Variants in GTF2B observed in about 807,000 individuals in gnomAD.
GTF2B encodes the protein general transcription factor IIB, also known as transcription initiation factor IIB.
A neutral mutation model predicts 34.6 loss-of-function variants in GTF2B; 20 were observed. The ratio of observed to expected loss-of-function variants is 0.58; its 90% CI spans 0.41 to 0.84. The LOEUF (loss-of-function observed/expected upper bound fraction) is 0.84, where lower values mean the gene tolerates loss of function less well. Ranked by LOEUF, GTF2B falls within the 40% of genes least tolerant of loss-of-function variation. GTF2B has a pLI of 0.00. For synonymous variants in GTF2B, 142 were observed against 132.4 expected, an observed-to-expected ratio of 1.07 and a Z score of -0.50; for missense variants, 237 against 393.3, an observed-to-expected ratio of 0.60 and a Z score of 3.36.
intron 2 of GTF2B, among the ~76,000 whole-genome samples, chr1:88,879,240 T>C (rs1673877206): frequency 6.6e-6 from 1 of 151,796 alleles, no homozygotes; most frequent in African/African-American, 2.4e-5. Flanking sequence ...AGATATAAGC[T>C]TATAAGATAA....
At chr1:88,870,568 A>G (rs939094923) in intron 2 of GTF2B, among the ~76,000 whole-genome samples, 5 of 128,410 alleles carry the variant, frequency 3.9e-5, no homozygotes, top group Non-Finnish European at 7.7e-5. Context: ...TTTTCTAACT[A>G]CTAATTGCTA....
rs1242544134 is a variant in GTF2B at position 88,852,754 on chromosome 1, TATG to T, written c.*456_*458del. Among the ~76,000 whole-genome samples the T allele has an allele frequency of 2.0e-5, 3 of 152,154 alleles. No individual in the cohort carries two copies. The highest frequency in any genetic ancestry group is 7.2e-5 in the African/African-American group (3 of 41,438). ...ATACACATCCTTTCAAACTGGAAACTATGATGTTGATGTTAACAATGGTTCTCA... is the reference window on the plus strand; with the variant it reads ...ATACACATCCTTTCAAACTGGAAACTATGTTGATGTTAACAATGGTTCTCA... On this transcript the variant is annotated 3_prime_UTR_variant, in exon 7 of 7. Coordinates refer to ENST00000370500, the MANE Select transcript of GTF2B (RefSeq NM_001514.6).
chr1:88,890,572 G>A (rs1209364183), intron 1 of GTF2B, among the ~76,000 whole-genome samples: 1 of 152,156 alleles, frequency 6.6e-6, no homozygotes, highest in African/African-American at 2.4e-5. Flanking sequence ...GCCAGGTGTG[G>A]ATAACAGGAA....
At chr1:88,878,833 G>C (rs1570732831) in intron 2 of GTF2B, among the ~76,000 whole-genome samples, 1 of 152,188 alleles carries the variant, frequency 6.6e-6, no homozygotes, top group African/African-American at 2.4e-5. Context: ...TATGACTACT[G>C]TAAGACAACT....
At position 88,855,365 on chromosome 1, in the gene GTF2B, T is replaced by G. The variant is rs186246696; in HGVS notation, c.817+1841A>C. ...TAATTCACTTTCTGTTTTTGTTTTT[T>G]TTTTTTTTTTTTGAGACAGTCCTGT... is the stretch of plus-strand genomic sequence containing the variant. On this transcript the variant is annotated intron_variant, in intron 6 of 6. Coordinates refer to ENST00000370500, the MANE Select transcript of GTF2B (RefSeq NM_001514.6). Among the ~76,000 whole-genome samples the G allele has an allele frequency of 1.8e-3, 262 of 149,244 alleles. 1 individual carries two copies. In the Middle Eastern group the frequency reaches 0.021, roughly 12 times the overall value.
chr1:88,879,169 G>T (rs963117167), intron 2 of GTF2B, among the ~76,000 whole-genome samples: 2 of 152,142 alleles, frequency 1.3e-5, no homozygotes, highest in Non-Finnish European at 2.9e-5. Flanking sequence ...TCAAGAAGAA[G>T]GAGGTTTGAC....
At chr1:88,869,095 G>GA (rs998333623) in intron 2 of GTF2B, among the ~76,000 whole-genome samples, 42 of 152,126 alleles carry the variant, frequency 2.8e-4, no homozygotes, top group African/African-American at 9.9e-4. Flanking sequence ...AACATTTGGA[G>GA]AAAAAATACG....
rs748435822 is a variant in GTF2B, at chr1:88,860,132, G to T, written c.405+8C>A. On this transcript the variant is annotated splice_region_variant and intron_variant, in intron 4 of 6. Transcript: ENST00000370500. ...AGAATGGCTTAAAGGAGGTAGACAA[G>T]AACTTACAACTATATTTCGAGGTAG... 6.2e-7 allele frequency: 1 copy of T among 1,613,772 alleles called. No homozygotes were observed. The highest frequency in any genetic ancestry group is 1.3e-5 in the African/African-American group (1 of 74,940).
At chr1:88,876,221 C>G (rs913821698) in intron 2 of GTF2B, among the ~76,000 whole-genome samples, 5 of 152,152 alleles carry the variant, frequency 3.3e-5, no homozygotes, top group African/African-American at 1.2e-4. Flanking sequence ...ACTGTTAATG[C>G]TAACTGAAAG....
intron 2 of GTF2B, among the ~76,000 whole-genome samples, chr1:88,878,469 A>C (rs1378360896): frequency 2.0e-5 from 3 of 152,258 alleles, no homozygotes; most frequent in African/African-American, 7.2e-5. Flanking sequence ...CAAAAATTGG[A>C]AACAAGTTTT....
intron 6 of GTF2B, 133 bp downstream of exon 6, chr1:88,857,073 T>G: frequency 1.3e-6 from 1 of 768,882 alleles, no homozygotes; most frequent in South Asian, 1.7e-5. Flanking sequence ...AGTGCTGAGA[T>G]TATAGGTGTG....
At chr1:88,891,120 C>CGGGG (rs36020480) in intron 1 of GTF2B, among the ~76,000 whole-genome samples, 10 of 6,480 alleles carry the variant, frequency 1.5e-3, no homozygotes, top group East Asian at 0.011. Context: ...AAAAAACAAG[C>CGGGG]GGGGGGGGGG....
chr1:88,878,691 G>A (rs1046167581), intron 2 of GTF2B, among the ~76,000 whole-genome samples: 3 of 152,178 alleles, frequency 2.0e-5, no homozygotes, highest in African/African-American at 4.8e-5. Context: ...TGGCTCTGAC[G>A]AATACAATAC....
chr1:88,875,454 G>C (rs565152162), intron 2 of GTF2B, among the ~76,000 whole-genome samples: 3 of 152,306 alleles, frequency 2.0e-5, no homozygotes, highest in Admixed American at 6.5e-5. Flanking sequence ...TCAAATACAA[G>C]TAGGTCGATA....
chr1:88,891,427 G>C, intron 1 of GTF2B, 56 bp downstream of exon 1: 2 of 1,469,226 alleles, frequency 1.4e-6, no homozygotes, highest in South Asian at 2.4e-5. Flanking sequence ...CCGCCTAAAA[G>C]CCGGCGGCGC....
At chr1:88,883,624 T>C (rs1673994561) in intron 2 of GTF2B, among the ~76,000 whole-genome samples, 1 of 151,790 alleles carries the variant, frequency 6.6e-6, no homozygotes, top group African/African-American at 2.4e-5. Context: ...ATCGCACCAC[T>C]GCACTCCAGC....
intron 2 of GTF2B, among the ~76,000 whole-genome samples, chr1:88,871,339 A>C (rs1673689068): frequency 6.6e-6 from 1 of 152,178 alleles, no homozygotes; most frequent in Non-Finnish European, 1.5e-5. Flanking sequence ...ATGAAGGTTT[A>C]TTTCTTATTC....
chr1:88,868,821 C>T (rs369076257), intron 2 of GTF2B, among the ~76,000 whole-genome samples: 7 of 151,968 alleles, frequency 4.6e-5, no homozygotes, highest in African/African-American at 9.7e-5. Flanking sequence ...CTGCAAGCTC[C>T]GCCTCCTGGG....
chr1:88,887,932 A>C (rs1674115118), intron 1 of GTF2B: 1 of 152,292 alleles, frequency 6.6e-6, no homozygotes, highest in Non-Finnish European at 1.5e-5. Context: ...ATCATTCAAG[A>C]AATTGTTTCA....
Sources: gnomAD v4.1 joint callset for allele counts (sites outside exome capture counted in the v4.1 genomes callset) on GRCh38, gnomAD v4.1.1 for gene constraint, MANE v1.5 for transcripts, NCBI Gene and HGNC (gene_info 2026-07-23, HGNC 2026-07-21) for gene names.